Variants in XYLT1 observed in about 807,000 individuals in gnomAD.
XYLT1 encodes the protein beta-D-xylosyltransferase 1.
Under a neutral mutation model 91.3 loss-of-function variants are expected in XYLT1, and 36 were observed. The observed-to-expected ratio is 0.39, with a 90% CI of 0.30 to 0.52. The LOEUF (loss-of-function observed/expected upper bound fraction) is 0.52. Among genes scored for constraint, XYLT1 ranks in the 20% least tolerant of loss-of-function variants. The probability of loss-of-function intolerance (pLI) is 0.68; values close to 1 mark genes in which losing one functional copy is unlikely to be tolerated. For missense variants in XYLT1, 1,242 were observed against 1,284.5 expected (o/e 0.97, Z 0.51); for synonymous variants, 588 against 532.0 (o/e 1.11, Z -1.45).
chr16:17,445,691 G>A lies in XYLT1; in HGVS notation c.363+24743C>T, dbSNP rs183209236. The A allele has an allele frequency of 5.2e-3, 794 of 152,368 alleles. 3 individuals are homozygous for A. The highest frequency in any genetic ancestry group is 7.5e-3 in the Non-Finnish European group (511 of 68,054). 9.4% of individuals were successfully genotyped at this position (152,368 alleles called of 1,614,324 possible). ...CAGAAAAGGCAGCTGATTAACACGC[G>A]TGGAGGGTCTATTGTCTGAATCCCG... On this transcript the variant is annotated intron_variant, in intron 1 of 11. Coordinates refer to ENST00000261381, the MANE Select transcript of XYLT1 (RefSeq NM_022166.4).
At chr16:17,213,395 A>G (rs537478785) in intron 3 of XYLT1, among the ~76,000 whole-genome samples, 275 of 152,302 alleles carry the variant, frequency 1.8e-3, no homozygotes, top group African/African-American at 6.4e-3. Context: ...CAATGGGAGA[A>G]TGAACCAATA....
At chr16:17,159,259 G>A (rs1481762397) in intron 5 of XYLT1, among the ~76,000 whole-genome samples, 1 of 152,128 alleles carries the variant, frequency 6.6e-6, no homozygotes, top group Non-Finnish European at 1.5e-5. Context: ...AGCAACCTCA[G>A]GACCTTTGCA....
intron 10 of XYLT1, among the ~76,000 whole-genome samples, chr16:17,127,073 GT>G (rs1377104863): frequency 1.3e-5 from 2 of 152,246 alleles, no homozygotes; most frequent in African/African-American, 4.8e-5. Context: ...CTCTGAAGGT[GT>G]ATCATTTGGA....
intron 5 of XYLT1, among the ~76,000 whole-genome samples, chr16:17,181,724 G>A (rs2032074625): frequency 6.6e-6 from 1 of 152,168 alleles, no homozygotes; most frequent in African/African-American, 2.4e-5. Flanking sequence ...TATCTGTTCT[G>A]TGAACCCTTC....
chr16:17,448,161 A>C (rs2036616750), intron 1 of XYLT1, among the ~76,000 whole-genome samples: 1 of 152,242 alleles, frequency 6.6e-6, no homozygotes, highest in African/African-American at 2.4e-5. Context: ...TGAGGTCAGG[A>C]GTTCAAGACC....
At chr16:17,343,515 G>A (rs913580555) in intron 2 of XYLT1, among the ~76,000 whole-genome samples, 2 of 152,148 alleles carry the variant, frequency 1.3e-5, no homozygotes, top group Admixed American at 1.3e-4. Context: ...CTATCACCCA[G>A]GCTGGAGTGC....
intron 6 of XYLT1, among the ~76,000 whole-genome samples, chr16:17,146,719 C>G (rs1434520254): frequency 6.6e-6 from 1 of 152,186 alleles, no homozygotes; most frequent in African/African-American, 2.4e-5. Flanking sequence ...AAGGTACTCT[C>G]CAGCTTTGAC....
At chr16:17,348,244 G>A (rs1052461112) in intron 2 of XYLT1, among the ~76,000 whole-genome samples, 4 of 152,232 alleles carry the variant, frequency 2.6e-5, no homozygotes, top group Non-Finnish European at 4.4e-5. Context: ...GAGGGCGTGC[G>A]GGGCTGTGGA....
rs181093801 is a variant in XYLT1 at position 17,378,852 on chromosome 16, G to C, written c.364-20802C>G. On this transcript the variant is annotated intron_variant, in intron 1 of 11. Coordinates refer to ENST00000261381, the MANE Select transcript of XYLT1 (RefSeq NM_022166.4). ...TTTATACTGTATTCTCCTAAGCTCA[G>C]ATTAAAACCCACTCCATCCCCTACT... is the stretch of plus-strand genomic sequence containing the variant. Among the ~76,000 whole-genome samples the C allele has an allele frequency of 1.1e-4, 17 of 152,288 alleles. No homozygotes were observed. The East Asian group carries it at 3.3e-3, about 29-fold the overall frequency.
At chr16:17,249,904 G>C (rs989877132) in intron 3 of XYLT1, 2 of 152,190 alleles carry the variant, frequency 1.3e-5, no homozygotes, top group African/African-American at 4.8e-5. Flanking sequence ...TCAAACTCCT[G>C]GCATCAAGCA....
In XYLT1 at chr16:17,301,182, G is replaced by A. The variant is rs566154695; in HGVS notation, c.403-41684C>T. Among the ~76,000 whole-genome samples, 92 of 152,188 alleles carry A rather than the reference G, an allele frequency of 6.0e-4. 1 individual carries two copies. The highest frequency in any genetic ancestry group is 2.0e-3 in the African/African-American group (84 of 41,528). On this transcript the variant is annotated intron_variant, in intron 2 of 11. Coordinates refer to ENST00000261381, the MANE Select transcript of XYLT1 (RefSeq NM_022166.4). ...TCCCAGCACTTCGGGAGGCTGAGGC[G>A]GGTGGATTAGTTGAGGTTGGGAGTT...
At chr16:17,327,994 GGGA>G (rs2141835846) in intron 2 of XYLT1, among the ~76,000 whole-genome samples, 1 of 152,154 alleles carries the variant, frequency 6.6e-6, no homozygotes, top group African/African-American at 2.4e-5. Context: ...TCTGAACACT[GGGA>G]GGAGAGGACC....
chr16:17,322,607 T>C (rs12051530), intron 2 of XYLT1, among the ~76,000 whole-genome samples: 35,869 of 152,124 alleles, frequency 0.24, 4,757 homozygotes, highest in Admixed American at 0.36. Context: ...CTCCTGATGA[T>C]GTATATGTCT....
chr16:17,218,127 G>A lies in XYLT1; in HGVS notation c.914-17473C>T, dbSNP rs1036299083. Among the ~76,000 whole-genome samples, 8 of 151,986 alleles carry A rather than the reference G, an allele frequency of 5.3e-5. No homozygotes were observed. The East Asian group carries it at 7.8e-4, about 15-fold the overall frequency. On this transcript the variant is annotated intron_variant, in intron 3 of 11. Coordinates refer to ENST00000261381, the MANE Select transcript of XYLT1 (RefSeq NM_022166.4). ...ACAAAAATTAGCCAGGCATGGTGGTGCGCGCCTGTAGTTTCAGCTACTCGG... is the reference window on the plus strand; with the variant it reads ...ACAAAAATTAGCCAGGCATGGTGGTACGCGCCTGTAGTTTCAGCTACTCGG...
intron 1 of XYLT1, among the ~76,000 whole-genome samples, chr16:17,459,068 C>A (rs987699194): frequency 6.6e-6 from 1 of 151,988 alleles, no homozygotes; most frequent in East Asian, 1.9e-4. Flanking sequence ...ACTAAAAGAA[C>A]GCAGGCAATA....
Position 17,117,929 on chromosome 16 carries a change from A to T in XYLT1, c.2274T>A (p.Gly758=). The change falls in exon 11 of 12, where the codon GGT becomes GGA. Residue 758 remains glycine (G), a synonymous_variant. Transcript: ENST00000261381. ...CCGGCTCATCCATGGGCCCCAGAAG[A>T]CCCCCAAAGTTGCGGAATAGCCTCT... The part of the protein sequence containing the change: ...AKERLFRNFG[G]LLGPMDEPVG... 6.2e-7 allele frequency: 1 copy of T among 1,613,510 alleles called. No individual in the cohort carries two copies.
rs1596455719 is a variant in XYLT1 at position 17,263,789 on chromosome 16, A to G, written c.403-4291T>C. ...AACGGCGCCATCTTGGCTCACTGTAACCTCCGCCTCCCAGGTTCAAGTGAT... is the reference window on the plus strand; with the variant it reads ...AACGGCGCCATCTTGGCTCACTGTAGCCTCCGCCTCCCAGGTTCAAGTGAT... On this transcript the variant is annotated intron_variant, in intron 2 of 11. Coordinates refer to ENST00000261381, the MANE Select transcript of XYLT1 (RefSeq NM_022166.4). 2.6e-5 allele frequency among the ~76,000 whole-genome samples: 4 copies of G among 151,714 alleles called. No homozygotes were observed. In the South Asian group the frequency reaches 8.4e-4, roughly 32 times the overall value.
In XYLT1 at chr16:17,102,956, A is replaced by G. The variant is rs1009271208; in HGVS notation, c.*5739T>C. 2.9e-5 allele frequency: 4 copies of G among 140,314 alleles called. No individual in the cohort carries two copies. The highest frequency in any genetic ancestry group is 6.2e-5 in the Non-Finnish European group (4 of 64,364). 8.7% of individuals were successfully genotyped at this position (140,314 alleles called of 1,614,324 possible). ...AAATGCTATTGACAACATAATATTT[A>G]AAAAAAAAAAAGGCAAAAGGACTAC... On this transcript the variant is annotated 3_prime_UTR_variant, in exon 12 of 12. Transcript: ENST00000261381.
chr16:17,221,480 T>C (rs191004993), intron 3 of XYLT1, among the ~76,000 whole-genome samples: 1 of 152,276 alleles, frequency 6.6e-6, no homozygotes, highest in African/African-American at 2.4e-5. Context: ...AGAGGTTATA[T>C]AGCATAACCA....
Sources: gnomAD v4.1 joint callset for allele counts (sites outside exome capture counted in the v4.1 genomes callset) on GRCh38, gnomAD v4.1.1 for gene constraint, MANE v1.5 for transcripts, NCBI Gene and HGNC (gene_info 2026-07-23, HGNC 2026-07-21) for gene names.